The following ATG7 variants were observed in gnomAD, a reference collection of about 807,000 sequenced individuals.
The protein encoded by ATG7 is ubiquitin-like modifier-activating enzyme ATG7.
Under a neutral mutation model 82.4 loss-of-function variants are expected in ATG7, and 70 were observed. The ratio of observed to expected loss-of-function variants is 0.85; its 90% CI spans 0.70 to 1.04. ATG7 has a LOEUF of 1.04. ATG7 is among the 50% of genes least tolerant of loss of function. The probability of loss-of-function intolerance (pLI) is 0.00; values close to 1 mark genes in which losing one functional copy is unlikely to be tolerated. For missense variants in ATG7, 792 were observed against 864.3 expected (o/e 0.92, Z 1.05); for synonymous variants, 287 against 313.0 (o/e 0.92, Z 0.88).
downstream of ATG7, among the ~76,000 whole-genome samples, chr3:11,560,917 G>A (rs985297357): frequency 3.9e-5 from 6 of 152,150 alleles, no homozygotes; most frequent in African/African-American, 1.2e-4. Flanking sequence ...AGACAGGCTC[G>A]GAAAGGGGGT....
chr3:11,498,824 G>C (rs2091078098), intron 20 of ATG7, among the ~76,000 whole-genome samples: 1 of 152,194 alleles, frequency 6.6e-6, no homozygotes, highest in African/African-American at 2.4e-5. Context: ...CAGGCCAACT[G>C]TGCTCCTTCT....
At chr3:11,366,268 A>G (rs1224167667) in intron 18 of ATG7, among the ~76,000 whole-genome samples, 1 of 151,322 alleles carries the variant, frequency 6.6e-6, no homozygotes, top group Non-Finnish European at 1.5e-5. Flanking sequence ...TTAGCCTCCC[A>G]GAGTCTCAGT....
chr3:11,295,903 C>T (rs956858846), intron 3 of ATG7, among the ~76,000 whole-genome samples: 1 of 152,024 alleles, frequency 6.6e-6, no homozygotes, highest in Non-Finnish European at 1.5e-5. Flanking sequence ...CTCAGCCTCC[C>T]AAGTAGCTGG....
At chr3:11,354,717 A>G (rs2075815439) in intron 14 of ATG7, among the ~76,000 whole-genome samples, 1 of 152,136 alleles carries the variant, frequency 6.6e-6, no homozygotes, top group African/African-American at 2.4e-5. Flanking sequence ...TTAAAACCCA[A>G]ATCTGGACAT....
intron 11 of ATG7, among the ~76,000 whole-genome samples, chr3:11,335,584 T>C (rs942452105): frequency 1.3e-5 from 2 of 152,224 alleles, no homozygotes; most frequent in African/African-American, 2.4e-5. Flanking sequence ...AATCACTTAA[T>C]TCTGCCAACC....
At chr3:11,284,615 A>G (rs1212688034) in intron 3 of ATG7, among the ~76,000 whole-genome samples, 2 of 152,048 alleles carry the variant, frequency 1.3e-5, no homozygotes, top group Non-Finnish European at 2.9e-5. Flanking sequence ...ACAGTGGTGC[A>G]GTCATGGCTC....
chr3:11,394,865 C>A (rs1359852463), intron 19 of ATG7, among the ~76,000 whole-genome samples: 1 of 152,122 alleles, frequency 6.6e-6, no homozygotes, highest in Non-Finnish European at 1.5e-5. Context: ...TTTGCTGTTA[C>A]AATATCCAGC....
At chr3:11,569,107 G>A in the ATG7 span, among the ~76,000 whole-genome samples, 1 of 152,222 alleles carries the variant, frequency 6.6e-6, no homozygotes, top group South Asian at 2.1e-4. Context: ...CAGTGACATT[G>A]AAAGAATCCA....
At chr3:11,340,208 AT>A (rs755786243) in intron 11 of ATG7, among the ~76,000 whole-genome samples, 1 of 152,186 alleles carries the variant, frequency 6.6e-6, no homozygotes, top group Non-Finnish European at 1.5e-5. Context: ...TAAGGTTCAA[AT>A]CCCAATAGGA....
At chr3:11,507,455 G>T (rs1368715717) in intron 20 of ATG7, among the ~76,000 whole-genome samples, 1 of 151,892 alleles carries the variant, frequency 6.6e-6, no homozygotes, top group African/African-American at 2.4e-5. Flanking sequence ...AATTCTAAAG[G>T]CTATTTTTGT....
intron 20 of ATG7, among the ~76,000 whole-genome samples, chr3:11,507,468 T>G (rs2153070555): frequency 6.6e-6 from 1 of 152,340 alleles, no homozygotes; most frequent in African/African-American, 2.4e-5. Flanking sequence ...ATTTTTGTAA[T>G]TCCAAAGTAG....
At chr3:11,441,713 C>G (rs1226353857) in intron 20 of ATG7, among the ~76,000 whole-genome samples, 1 of 144,672 alleles carries the variant, frequency 6.9e-6, no homozygotes, top group Non-Finnish European at 1.5e-5. Flanking sequence ...GTTGCCCAGG[C>G]TGGAGTGCAA....
rs1379835943 is a variant in ATG7, at chr3:11,377,848, CTT to C, written c.1876-2121_1876-2120del. On this transcript the variant is annotated intron_variant, in intron 18 of 20. Coordinates refer to ENST00000693202, the MANE Select transcript of ATG7 (RefSeq NM_001349232.2). ...CCCATTTGTGACTTGCTATTAAACT[CTT>C]TTCTGCTATTTTGATGTCTCCTATT... is the stretch of plus-strand genomic sequence containing the variant. 2.0e-5 allele frequency among the ~76,000 whole-genome samples: 3 copies of C among 152,140 alleles called. No individual in the cohort carries two copies. In the East Asian group the frequency reaches 5.8e-4, roughly 29 times the overall value.
intron 20 of ATG7, among the ~76,000 whole-genome samples, chr3:11,530,219 G>A (rs1194231342): frequency 6.6e-6 from 1 of 152,204 alleles, no homozygotes; most frequent in Non-Finnish European, 1.5e-5. Flanking sequence ...AACAATTAAA[G>A]CATTTGTCAG....
intron 3 of ATG7, among the ~76,000 whole-genome samples, chr3:11,288,961 C>T (rs1297020136): frequency 2.0e-5 from 3 of 152,204 alleles, no homozygotes; most frequent in Non-Finnish European, 4.4e-5. Flanking sequence ...TTGCTCATTA[C>T]AGTGTTGAAT....
At chr3:11,397,158 A>G (rs73017659) in intron 19 of ATG7, among the ~76,000 whole-genome samples, 2,164 of 152,276 alleles carry the variant, frequency 0.014, 26 homozygotes, top group Non-Finnish European at 0.021. Flanking sequence ...TTAAATTTAT[A>G]TGCATTATAC....
At chr3:11,473,288 T>A (rs2087749924) in intron 20 of ATG7, among the ~76,000 whole-genome samples, 1 of 152,232 alleles carries the variant, frequency 6.6e-6, no homozygotes, top group African/African-American at 2.4e-5. Context: ...TTCTGACTGC[T>A]ATCACCTACC....
At chr3:11,440,674 C>CAT (rs769737485) in intron 20 of ATG7, among the ~76,000 whole-genome samples, 21 of 39,492 alleles carry the variant, frequency 5.3e-4, no homozygotes, top group African/African-American at 2.3e-3. Flanking sequence ...TCCCCATTTG[C>CAT]TTTTTTTTTT....
intron 20 of ATG7, among the ~76,000 whole-genome samples, chr3:11,451,824 C>G (rs1559652478): frequency 6.7e-6 from 1 of 150,222 alleles, no homozygotes; most frequent in East Asian, 2.0e-4. Context: ...CCCAGGCTGC[C>G]CTGTCTCTCT....
Sources: gnomAD v4.1 joint callset for allele counts (sites outside exome capture counted in the v4.1 genomes callset) on GRCh38, gnomAD v4.1.1 for gene constraint, MANE v1.5 for transcripts, NCBI Gene and HGNC (gene_info 2026-07-23, HGNC 2026-07-21) for gene names.